Variants in SGCZ observed in about 807,000 individuals in gnomAD.
SGCZ encodes the protein zeta-sarcoglycan.
A neutral mutation model predicts 41.3 loss-of-function variants in SGCZ; 40 were observed. The observed-to-expected ratio is 0.97, with a 90% CI of 0.75 to 1.26. The LOEUF (loss-of-function observed/expected upper bound fraction) is 1.26, where lower values mean the gene tolerates loss of function less well. Ranked by LOEUF, SGCZ falls within the 50% of genes most tolerant of loss-of-function variation. SGCZ has a pLI of 0.00. For missense variants in SGCZ, 552 were observed against 369.8 expected (o/e 1.49, Z -4.04); for synonymous variants, 206 against 137.5 (o/e 1.50, Z -3.49).
chr8:14,775,683 A>G (rs1183391891), intron 1 of SGCZ, among the ~76,000 whole-genome samples: 4 of 152,336 alleles, frequency 2.6e-5, no homozygotes, highest in Non-Finnish European at 4.4e-5. Context: ...TTTGGATTTA[A>G]TTATATGCAA....
rs188376748 is a variant in SGCZ, at chr8:14,841,522, T to C, written c.40-286596A>G. ...GAGTTTCAGACTCTGGAGCAAGAAA[T>C]TTAATAGCTTGGGATAATTTTAAAT... On this transcript the variant is annotated intron_variant, in intron 1 of 7. Transcript: ENST00000382080. Among the ~76,000 whole-genome samples the C allele has an allele frequency of 4.3e-3, 656 of 152,280 alleles. 4 individuals are homozygous for C. The highest frequency in any genetic ancestry group is 0.018 in the South Asian group (86 of 4,830).
At chr8:14,709,324 GA>G (rs1159728660) in intron 1 of SGCZ, among the ~76,000 whole-genome samples, 1 of 152,064 alleles carries the variant, frequency 6.6e-6, no homozygotes, top group Admixed American at 6.5e-5. Context: ...CCAACCCAGA[GA>G]AAGCTACATG....
At chr8:14,692,074 T>C (rs1563205904) in intron 1 of SGCZ, among the ~76,000 whole-genome samples, 1 of 152,022 alleles carries the variant, frequency 6.6e-6, no homozygotes, top group Admixed American at 6.6e-5. Flanking sequence ...CAACATATTC[T>C]ACTATTTTTA....
intron 1 of SGCZ, among the ~76,000 whole-genome samples, chr8:14,960,523 G>T (rs766446453): frequency 6.6e-5 from 10 of 152,106 alleles, no homozygotes; most frequent in Non-Finnish European, 1.3e-4. Flanking sequence ...AGCAGCTGAA[G>T]AACATAATCT....
chr8:14,292,487 A>G (rs1042016630), intron 3 of SGCZ, among the ~76,000 whole-genome samples: 2 of 152,058 alleles, frequency 1.3e-5, no homozygotes, highest in African/African-American at 4.8e-5. Flanking sequence ...AGAGATCAAC[A>G]AAGAATTCAA....
chr8:14,223,748 A>C lies in SGCZ; in HGVS notation c.424+13844T>G. Among the ~76,000 whole-genome samples, 2 of 152,198 alleles carry C rather than the reference A, an allele frequency of 1.3e-5. 1 individual carries two copies. The highest frequency in any genetic ancestry group is 3.8e-4 in the East Asian group (2 of 5,200). On this transcript the variant is annotated intron_variant, in intron 4 of 7. Coordinates refer to ENST00000382080, the MANE Select transcript of SGCZ (RefSeq NM_139167.4). ...TCAAGTGATAACCCTTAACAAACTA[A>C]AGATACTAGAACTAAATATTACTTT...
chr8:14,177,754 G>A (rs1001539901), intron 4 of SGCZ, among the ~76,000 whole-genome samples: 3 of 140,506 alleles, frequency 2.1e-5, no homozygotes, highest in African/African-American at 7.9e-5. Flanking sequence ...TCGATCTCCT[G>A]ACCTCGTGAT....
chr8:14,740,856 C>G (rs2244210), intron 1 of SGCZ, among the ~76,000 whole-genome samples: 70,087 of 151,782 alleles, frequency 0.46, 16,858 homozygotes, highest in Non-Finnish European at 0.54. Context: ...AGTCAGGAAT[C>G]CATTTATGTT....
At chr8:14,425,905 G>A (rs1799768414) in intron 2 of SGCZ, among the ~76,000 whole-genome samples, 2 of 152,068 alleles carry the variant, frequency 1.3e-5, no homozygotes, top group Admixed American at 1.3e-4. Context: ...GAAGGTTCAG[G>A]GAAGTAAAGA....
At chr8:15,211,296 C>T (rs1041550430) in intron 1 of SGCZ, among the ~76,000 whole-genome samples, 1 of 148,000 alleles carries the variant, frequency 6.8e-6, no homozygotes, top group African/African-American at 2.5e-5. Context: ...AAAAAAAAGT[C>T]CTTTACTTTT....
chr8:15,222,800 GGT>G (rs757664022), intron 1 of SGCZ, among the ~76,000 whole-genome samples: 23 of 150,648 alleles, frequency 1.5e-4, no homozygotes, highest in African/African-American at 4.4e-4. Context: ...TGCATGTGTG[GGT>G]GTGTGTGTGT....
intron 1 of SGCZ, among the ~76,000 whole-genome samples, chr8:14,792,768 T>C (rs112640866): frequency 2.4e-4 from 36 of 152,182 alleles, no homozygotes; most frequent in African/African-American, 7.7e-4. Flanking sequence ...GTTTTCTTTT[T>C]CTCTCACTGA....
chr8:14,487,475 T>C (rs747221809), intron 2 of SGCZ, among the ~76,000 whole-genome samples: 3 of 152,240 alleles, frequency 2.0e-5, no homozygotes, highest in Non-Finnish European at 4.4e-5. Context: ...CTCACCTAGA[T>C]GTGCTGATTT....
At chr8:14,368,521 A>G (rs1308714743) in intron 2 of SGCZ, among the ~76,000 whole-genome samples, 1 of 152,074 alleles carries the variant, frequency 6.6e-6, no homozygotes, top group African/African-American at 2.4e-5. Context: ...CAACTTGACC[A>G]TATGAGACAT....
intron 1 of SGCZ, among the ~76,000 whole-genome samples, chr8:15,091,222 T>A (rs1806144716): frequency 6.6e-6 from 1 of 152,216 alleles, no homozygotes; most frequent in Non-Finnish European, 1.5e-5. Context: ...GCCCTCATTA[T>A]GTTGCCCAGG....
intron 3 of SGCZ, among the ~76,000 whole-genome samples, chr8:14,251,902 G>A (rs149618979): frequency 2.9e-4 from 44 of 152,186 alleles, no homozygotes; most frequent in African/African-American, 9.9e-4. Flanking sequence ...TAGAGACGGG[G>A]TTTTGCAATG....
Position 14,191,596 on chromosome 8 carries a change from A to G in SGCZ, c.425-26894T>C, listed in dbSNP as rs540503016. ...CACCTCAACTTACATCTCACTGTGT[A>G]AAACTCAAACACACCTGGCTGCAAG... On this transcript the variant is annotated intron_variant, in intron 4 of 7. Transcript: ENST00000382080. Among the ~76,000 whole-genome samples the G allele has an allele frequency of 3.9e-5, 6 of 152,296 alleles. No individual in the cohort carries two copies. In the South Asian group the frequency reaches 1.2e-3, roughly 32 times the overall value.
chr8:15,181,431 C>T (rs2117087953), intron 1 of SGCZ, among the ~76,000 whole-genome samples: 1 of 152,132 alleles, frequency 6.6e-6, no homozygotes, highest in Non-Finnish European at 1.5e-5. Context: ...AGCATGTGTT[C>T]CCATGAAATT....
chr8:14,500,524 T>TTTTTTCAG (rs1802120902), intron 2 of SGCZ, among the ~76,000 whole-genome samples: 1 of 151,684 alleles, frequency 6.6e-6, no homozygotes, highest in Admixed American at 6.6e-5. Flanking sequence ...GTTCTGCAAA[T>TTTTTTCAG]AACAATTTTT....
Sources: allele counts gnomAD v4.1 joint callset (sites outside exome capture counted in the v4.1 genomes callset), GRCh38; gene constraint gnomAD v4.1.1; transcripts MANE v1.5; gene names NCBI Gene and HGNC (gene_info 2026-07-23, HGNC 2026-07-21).